Variants in CDK13 observed in about 807,000 individuals in gnomAD.
CDK13 encodes cyclin-dependent kinase 13.
CDK13 carries 40 observed loss-of-function variants against 137.6 expected under a neutral mutation model. The ratio of observed to expected loss-of-function variants is 0.29; its 90% CI spans 0.23 to 0.38. The LOEUF (loss-of-function observed/expected upper bound fraction) is 0.38. CDK13 is among the 10% of genes least tolerant of loss of function. The pLI is 1.00. For synonymous variants in CDK13, 869 were observed against 760.1 expected (o/e 1.14, Z -2.36); for missense variants, 1,704 against 1,951.8 (o/e 0.87, Z 2.39).
At chr7:40,039,180 A>G (rs926654479) in intron 5 of CDK13, among the ~76,000 whole-genome samples, 2 of 151,724 alleles carry the variant, frequency 1.3e-5, no homozygotes, top group Non-Finnish European at 2.9e-5. Flanking sequence ...TTTTCGGATG[A>G]GCTAATTGTC....
At chr7:40,056,022 A>G (rs925579209) in intron 7 of CDK13, among the ~76,000 whole-genome samples, 1 of 152,226 alleles carries the variant, frequency 6.6e-6, no homozygotes, top group Non-Finnish European at 1.5e-5. Context: ...GTAAACGGTT[A>G]ACGGGATTTA....
chr7:40,090,682 C>T lies in CDK13; in HGVS notation c.3236-2103C>T, dbSNP rs184576196. 6.9e-3 allele frequency among the ~76,000 whole-genome samples: 1,049 copies of T among 151,476 alleles called. 11 individuals are homozygous for T. Among genetic ancestry groups the T allele is most frequent in the African/African-American group, 0.024 (977 of 41,282 alleles). On this transcript the variant is annotated intron_variant, in intron 12 of 13. Coordinates refer to ENST00000181839, the MANE Select transcript of CDK13 (RefSeq NM_003718.5). Reference sequence around the variant, plus strand: ...GGCTGTTTGCTTATGTTCGGGATTTCGAGACCAGCCTAGGTAACATGGCAA... The same window carrying T: ...GGCTGTTTGCTTATGTTCGGGATTTTGAGACCAGCCTAGGTAACATGGCAA...
intron 5 of CDK13, among the ~76,000 whole-genome samples, chr7:40,032,521 T>G (rs936644719): frequency 1.1e-4 from 16 of 152,358 alleles, no homozygotes; most frequent in African/African-American, 3.8e-4. Flanking sequence ...GTTTTGCAGT[T>G]TACACTCAAG....
chr7:40,054,027 T>A (rs1332808120), intron 7 of CDK13, among the ~76,000 whole-genome samples: 2 of 152,190 alleles, frequency 1.3e-5, no homozygotes, highest in Non-Finnish European at 2.9e-5. Context: ...AGTGCTTCTC[T>A]GGTAAGACTC....
intron 1 of CDK13, among the ~76,000 whole-genome samples, chr7:39,981,416 A>G (rs1305645488): frequency 6.6e-6 from 1 of 152,008 alleles, no homozygotes; most frequent in Non-Finnish European, 1.5e-5. Context: ...TGGACCTGCT[A>G]CCTACCTCCA....
intron 10 of CDK13, 164 bp downstream of exon 10, chr7:40,078,285 CATT>C (rs1476961639): frequency 1.2e-5 from 5 of 429,418 alleles, no homozygotes; most frequent in Non-Finnish European, 4.1e-6. Context: ...ACCATTTTAC[CATT>C]ATTATGGAAT....
intron 5 of CDK13, among the ~76,000 whole-genome samples, chr7:40,027,422 T>C (rs6971502): frequency 0.21 from 32,618 of 152,176 alleles, 4,050 homozygotes; most frequent in Non-Finnish European, 0.27. Flanking sequence ...GATTTTTTGG[T>C]ACTAAATCTT....
chr7:40,024,559 T>C (rs1476873600), intron 5 of CDK13, among the ~76,000 whole-genome samples: 5 of 151,840 alleles, frequency 3.3e-5, no homozygotes, highest in Admixed American at 6.6e-5. Flanking sequence ...CAGGTTGGCT[T>C]TCTCTCTCTC....
chr7:40,080,119 C>G (rs1786634957), intron 11 of CDK13, among the ~76,000 whole-genome samples: 1 of 152,128 alleles, frequency 6.6e-6, no homozygotes, highest in Admixed American at 6.5e-5. Flanking sequence ...TCCCGAGTAG[C>G]TGGGATTACA....
chr7:40,024,211 C>T (rs1287996521), intron 5 of CDK13, among the ~76,000 whole-genome samples: 3 of 152,300 alleles, frequency 2.0e-5, no homozygotes, highest in Middle Eastern at 3.4e-3. Context: ...TCTCCACTCA[C>T]TCCTTACCTT....
chr7:40,091,229 T>C (rs866738787), intron 12 of CDK13, among the ~76,000 whole-genome samples: 11 of 152,212 alleles, frequency 7.2e-5, no homozygotes, highest in Middle Eastern at 3.4e-3. Flanking sequence ...GCGCCTGTAG[T>C]CCCAGCTACT....
intron 4 of CDK13, among the ~76,000 whole-genome samples, chr7:39,999,782 T>C (rs183199897): frequency 6.6e-6 from 1 of 152,356 alleles, no homozygotes; most frequent in Admixed American, 6.5e-5. Flanking sequence ...TGAATAATTC[T>C]TATACTGTTA....
At chr7:39,989,934 CACCAA>C (rs72036437) in intron 2 of CDK13, among the ~76,000 whole-genome samples, 68,071 of 151,622 alleles carry the variant, frequency 0.45, 17,408 homozygotes, top group East Asian at 0.63. Context: ...AGGCGCCCGC[CACCAA>C]GCCCGGCTAA....
chr7:40,002,484 A>T (rs1163533734), intron 5 of CDK13, among the ~76,000 whole-genome samples: 1 of 152,174 alleles, frequency 6.6e-6, no homozygotes, highest in Non-Finnish European at 1.5e-5. Context: ...GGGTATGTAT[A>T]TATGTATAGT....
Position 40,069,222 on chromosome 7 carries a change from G to A in CDK13, c.2780+6122G>A, listed in dbSNP as rs182982794. ...TGCCCTTTAGTCTGGGCAGCAGAGC[G>A]AGACCTTGTCTCAAAAAAACAGAAA... On this transcript the variant is annotated intron_variant, in intron 9 of 13. Transcript: ENST00000181839. 1,564 of 420,492 alleles carry A rather than the reference G, an allele frequency of 3.7e-3. 32 individuals are homozygous for A. Among genetic ancestry groups the A allele is most frequent in the Admixed American group, 0.031 (1,166 of 37,730 alleles). The allele number at this position is 420,492 out of a possible 1,614,324, so 26.0% of individuals were successfully genotyped here.
chr7:39,989,416 G>C (rs1184117497), intron 2 of CDK13, among the ~76,000 whole-genome samples: 1 of 150,108 alleles, frequency 6.7e-6, no homozygotes, highest in Non-Finnish European at 1.5e-5. Context: ...TTTTTTAATA[G>C]ATTTTGAAGT....
At chr7:40,016,151 C>G (rs901894993) in intron 5 of CDK13, among the ~76,000 whole-genome samples, 1 of 152,172 alleles carries the variant, frequency 6.6e-6, no homozygotes. Flanking sequence ...ATACTTGTTA[C>G]GTTGCTGTGC....
chr7:40,043,301 G>A (rs868868089), intron 5 of CDK13, among the ~76,000 whole-genome samples: 1 of 152,184 alleles, frequency 6.6e-6, no homozygotes, highest in Middle Eastern at 3.4e-3. Flanking sequence ...ACTGGGATTT[G>A]TTTTCTGGTG....
At chr7:39,992,847 A>C (rs1045807972) in intron 2 of CDK13, among the ~76,000 whole-genome samples, 15 of 152,240 alleles carry the variant, frequency 9.9e-5, no homozygotes, top group Admixed American at 7.2e-4. Context: ...TTATATAAAG[A>C]ATACACAGTT....
Sources: gnomAD v4.1 joint callset for allele counts (sites outside exome capture counted in the v4.1 genomes callset) on GRCh38, gnomAD v4.1.1 for gene constraint, MANE v1.5 for transcripts, NCBI Gene and HGNC (gene_info 2026-07-23, HGNC 2026-07-21) for gene names.